The following MYO5B variants were observed in gnomAD, a reference collection of about 807,000 sequenced individuals.
MYO5B encodes the protein unconventional myosin-Vb.
In MYO5B, 143 loss-of-function variants were observed where a neutral mutation model predicts 229.3. The observed-to-expected ratio is 0.62, with a 90% CI of 0.54 to 0.72. MYO5B has a LOEUF of 0.72. Among genes scored for constraint, MYO5B ranks in the 30% least tolerant of loss-of-function variants. The pLI is 0.00. For synonymous variants in MYO5B, 918 were observed against 885.2 expected (o/e 1.04, Z -0.66); for missense variants, 2,321 against 2,331.0 (o/e 1.00, Z 0.09).
rs371807276 is a variant in MYO5B at position 50,036,940 on chromosome 18, T to C, written c.365A>G (p.Asp122Gly). Residue 122 changes from aspartate to glycine, a missense_variant, in exon 4 of 40, where the codon GAT (aspartate) becomes GGT (glycine). Coordinates refer to ENST00000285039, the MANE Select transcript of MYO5B (RefSeq NM_001080467.3). ...TTGGCCACTGTAGGTATAGATGACA[T>C]CTTGTCCATAGATTGGCAACTGTTC... The part of the protein sequence containing the change: ...PYEQLPIYGQ[D>G]VIYTYSGQNM... 127 of 1,613,988 alleles carry C rather than the reference T, an allele frequency of 7.9e-5. No homozygotes were observed. Among genetic ancestry groups the C allele is most frequent in the Non-Finnish European group, 1.0e-4 (120 of 1,179,998 alleles).
At chr18:50,067,316 G>A (rs560945800) in intron 1 of MYO5B, among the ~76,000 whole-genome samples, 4 of 152,192 alleles carry the variant, frequency 2.6e-5, no homozygotes, top group Non-Finnish European at 5.9e-5. Context: ...GTACATGGGA[G>A]CTATGGCTGG....
At chr18:49,877,691 G>A in intron 25 of MYO5B, 72 bp downstream of exon 25, 1 of 1,603,732 alleles carries the variant, frequency 6.2e-7, no homozygotes, top group Non-Finnish European at 8.5e-7. Flanking sequence ...ATTTCTCTTG[G>A]ACAGTTCCAC....
intron 1 of MYO5B, among the ~76,000 whole-genome samples, chr18:50,167,700 C>T (rs2032872471): frequency 6.6e-6 from 1 of 152,186 alleles, no homozygotes; most frequent in Non-Finnish European, 1.5e-5. Context: ...GCCCTCTCCC[C>T]CTGCTTCCAT....
chr18:50,020,158 A>G lies in MYO5B; in HGVS notation c.455+16692T>C, dbSNP rs1326274662. ...CCCACCTTTGCATTGACTATGCATCAGCTCACAGCATACATTGCAGGCTCA... is the reference window on the plus strand; with the variant it reads ...CCCACCTTTGCATTGACTATGCATCGGCTCACAGCATACATTGCAGGCTCA... On this transcript the variant is annotated intron_variant, in intron 4 of 39. Coordinates refer to ENST00000285039, the MANE Select transcript of MYO5B (RefSeq NM_001080467.3). Among the ~76,000 whole-genome samples, 5 of 152,214 alleles carry G rather than the reference A, an allele frequency of 3.3e-5. No homozygotes were observed. The South Asian group carries it at 6.2e-4, about 19-fold the overall frequency.
chr18:49,843,317 G>T lies in MYO5B; in HGVS notation c.4535C>A (p.Ala1512Glu), dbSNP rs778610471. 2 of 1,614,114 alleles carry T rather than the reference G, an allele frequency of 1.2e-6. No individual in the cohort carries two copies. The highest frequency in any genetic ancestry group is 1.7e-6 in the Non-Finnish European group (2 of 1,180,022). ...CTTGAGATCGTCGTTGGTGTAGTCCGCGTGCCGGATGCACATGTAGAGGAT... is the reference window on the plus strand; with the variant it reads ...CTTGAGATCGTCGTTGGTGTAGTCCTCGTGCCGGATGCACATGTAGAGGAT... The part of the protein sequence containing the change: ...AYILYMCIRH[A>E]DYTNDDLKVH... Residue 1512 changes from alanine to glutamate, a missense_variant, in exon 34 of 40, where the codon GCG becomes GAG. Physicochemically the swap from Ala to Glu is moderately radical, Grantham distance 107. This residue lies in a region of MYO5B where 2,113 missense variants were observed against 2,044.7 expected (regional missense o/e 1.03). Coordinates refer to ENST00000285039, the MANE Select transcript of MYO5B (RefSeq NM_001080467.3).
chr18:49,872,131 G>A (rs1434134437), intron 27 of MYO5B, 36 bp downstream of exon 27: 6 of 1,600,216 alleles, frequency 3.7e-6, no homozygotes, highest in Middle Eastern at 1.8e-4. Context: ...TCTGCCAGGG[G>A]AGTGTTCCAG....
chr18:50,184,298 C>G (rs1054584030), intron 1 of MYO5B, among the ~76,000 whole-genome samples: 1 of 152,002 alleles, frequency 6.6e-6, no homozygotes. Flanking sequence ...ATCAGACCAC[C>G]TGCCGTTCTT....
intron 1 of MYO5B, among the ~76,000 whole-genome samples, chr18:50,190,394 C>T (rs575332027): frequency 6.6e-6 from 1 of 152,220 alleles, no homozygotes. Context: ...CACATGCATG[C>T]CACTGTGACA....
intron 16 of MYO5B, among the ~76,000 whole-genome samples, chr18:49,930,303 T>C (rs2025175485): frequency 6.6e-6 from 1 of 152,228 alleles, no homozygotes; most frequent in Non-Finnish European, 1.5e-5. Flanking sequence ...AAGAATCATG[T>C]AGATGAACTT....
intron 4 of MYO5B, 120 bp downstream of exon 4, chr18:50,036,719 TTGTTTCCAAGA>T: frequency 9.2e-7 from 1 of 1,084,910 alleles, no homozygotes; most frequent in South Asian, 1.3e-5. Context: ...TTGGGCTGCT[TTGTTTCCAAGA>T]TGTTTCCTCA....
intron 14 of MYO5B, among the ~76,000 whole-genome samples, chr18:49,941,809 C>A (rs71357211): frequency 0.11 from 12,625 of 111,582 alleles, 542 homozygotes; most frequent in Middle Eastern, 0.27. Context: ...ACTTTCTTCA[C>A]AGAATTGGAA....
At chr18:49,935,615 A>G (rs1185276188) in intron 16 of MYO5B, among the ~76,000 whole-genome samples, 1 of 152,254 alleles carries the variant, frequency 6.6e-6, no homozygotes, top group African/African-American at 2.4e-5. Flanking sequence ...GTAGGCTTGC[A>G]CAAACACTTG....
intron 4 of MYO5B, among the ~76,000 whole-genome samples, chr18:50,004,355 C>A (rs919296321): frequency 3.3e-5 from 5 of 152,152 alleles, no homozygotes; most frequent in Admixed American, 2.0e-4. Flanking sequence ...AAAGAAAAAA[C>A]CACAAGTTTA....
At chr18:50,070,661 T>C (rs573558141) in intron 1 of MYO5B, among the ~76,000 whole-genome samples, 1 of 152,190 alleles carries the variant, frequency 6.6e-6, no homozygotes, top group East Asian at 1.9e-4. Context: ...AAACACCTCA[T>C]CCTGCACGAT....
At chr18:50,084,902 C>T (rs567165696) in intron 1 of MYO5B, among the ~76,000 whole-genome samples, 1,799 of 152,202 alleles carry the variant, frequency 0.012, 29 homozygotes, top group African/African-American at 0.041. Flanking sequence ...ACACCTTATA[C>T]AAAAATTCAT....
intron 1 of MYO5B, among the ~76,000 whole-genome samples, chr18:50,082,420 G>A (rs1248872484): frequency 6.6e-6 from 1 of 152,214 alleles, no homozygotes; most frequent in East Asian, 1.9e-4. Flanking sequence ...TGTGAACAGA[G>A]AAAAATTTAG....
chr18:50,043,586 ATATT>A lies in MYO5B; in HGVS notation c.139-3276_139-3273del, dbSNP rs1413270121. ...AGTATATATATTTTTATATAAAAAT[ATATT>A]TATAAGTATATAAATATATAAATAT... On this transcript the variant is annotated intron_variant, in intron 2 of 39. Coordinates refer to ENST00000285039, the MANE Select transcript of MYO5B (RefSeq NM_001080467.3). 1.6e-3 allele frequency among the ~76,000 whole-genome samples: 211 copies of A among 132,486 alleles called. 1 individual carries two copies. Among genetic ancestry groups the A allele is most frequent in the African/African-American group, 5.1e-3 (178 of 35,086 alleles). The allele number at this position is 132,486 out of a possible 152,430, so 86.9% of individuals were successfully genotyped here.
chr18:49,995,413 C>A (rs2025977227), intron 5 of MYO5B, among the ~76,000 whole-genome samples: 1 of 120,186 alleles, frequency 8.3e-6, no homozygotes, highest in Non-Finnish European at 1.8e-5. Flanking sequence ...CACCACCAGG[C>A]CTGGATAATT....
chr18:49,991,073 G>A (rs2025927186), intron 6 of MYO5B, among the ~76,000 whole-genome samples: 1 of 152,160 alleles, frequency 6.6e-6, no homozygotes, highest in African/African-American at 2.4e-5. Flanking sequence ...AGCGAAGAGA[G>A]CTAAGGAAGA....
Sources: allele counts gnomAD v4.1 joint callset (sites outside exome capture counted in the v4.1 genomes callset), GRCh38; gene constraint gnomAD v4.1.1; regional missense constraint gnomAD v4.1.1; transcripts MANE v1.5; gene names NCBI Gene and HGNC (gene_info 2026-07-23, HGNC 2026-07-21).